The following RELN variants were observed in gnomAD, a reference collection of about 807,000 sequenced individuals.
RELN encodes reelin.
In RELN, 108 loss-of-function variants were observed where a neutral mutation model predicts 427.6. The ratio of observed to expected loss-of-function variants is 0.25; its 90% CI spans 0.22 to 0.30. The LOEUF (loss-of-function observed/expected upper bound fraction) is 0.30. RELN is among the 10% of genes least tolerant of loss of function. The pLI is 1.00. For synonymous variants in RELN, 1,524 were observed against 1,513.4 expected (o/e 1.01, Z -0.16); for missense variants, 3,715 against 4,302.8 (o/e 0.86, Z 3.82).
At chr7:103,566,891 C>T (rs1037063998) in intron 31 of RELN, 132 bp from the exon 32 acceptor site, 10 of 848,312 alleles carry the variant, frequency 1.2e-5, no homozygotes, top group Non-Finnish European at 1.8e-5. Flanking sequence ...GTGTAACTTC[C>T]AAGGAATGAA....
Position 103,862,409 on chromosome 7 carries a change from T to TTCGTTCTATCTATCTA in RELN, c.338-28738_338-28737insTAGATAGATAGAACGA, listed in dbSNP as rs57691471. On this transcript the variant is annotated intron_variant, in intron 2 of 64. Coordinates refer to ENST00000428762, the MANE Select transcript of RELN (RefSeq NM_005045.4). Reference sequence around the variant, plus strand: ...CTAGTCTCTTCCATTTATGCTTTTGTTCTATCTATCTATCTATCTATCTAT... The same window carrying TTCGTTCTATCTATCTA: ...CTAGTCTCTTCCATTTATGCTTTTGTTCGTTCTATCTATCTATCTATCTATCTATCTATCTATCTAT... Among the ~76,000 whole-genome samples, 50 of 144,840 alleles carry TTCGTTCTATCTATCTA rather than the reference T, an allele frequency of 3.5e-4. 1 individual carries two copies. The highest frequency in any genetic ancestry group is 1.5e-3 in the East Asian group (7 of 4,826).
At chr7:103,716,262 G>C (rs1188921201) in intron 8 of RELN, among the ~76,000 whole-genome samples, 1 of 151,988 alleles carries the variant, frequency 6.6e-6, no homozygotes, top group African/African-American at 2.4e-5. Context: ...ATTCTCCTCT[G>C]TAGTCTGCAT....
chr7:103,494,970 GGA>G (rs370270033), intron 57 of RELN, among the ~76,000 whole-genome samples: 7 of 151,974 alleles, frequency 4.6e-5, no homozygotes, highest in South Asian at 2.1e-4. Context: ...GGAAGGGAAG[GGA>G]GAGAGAGAGA....
chr7:103,630,238 T>C (rs140140582), intron 19 of RELN, 62 bp from the exon 20 acceptor site: 165 of 1,080,612 alleles, frequency 1.5e-4, no homozygotes, highest in Middle Eastern at 2.5e-4. Flanking sequence ...CAAATATTTA[T>C]AGTGGGATAG....
intron 46 of RELN, among the ~76,000 whole-genome samples, chr7:103,531,670 G>A (rs893967809): frequency 3.3e-5 from 5 of 151,836 alleles, no homozygotes; most frequent in African/African-American, 9.7e-5. Context: ...CTGTACCATC[G>A]GCATTTCTTA....
intron 29 of RELN, among the ~76,000 whole-genome samples, chr7:103,574,610 A>C (rs1830957209): frequency 6.6e-6 from 1 of 152,196 alleles, no homozygotes; most frequent in East Asian, 1.9e-4. Context: ...TTCATCCACA[A>C]TAAAACTTGC....
intron 36 of RELN, 40 bp from the exon 37 acceptor site, chr7:103,558,089 C>T (rs749231002): frequency 2.1e-6 from 2 of 972,404 alleles, no homozygotes; most frequent in South Asian, 2.6e-5. Context: ...CTTTTTTTCA[C>T]TTGCAAAATT....
At chr7:103,734,891 T>C (rs1790452114) in intron 6 of RELN, among the ~76,000 whole-genome samples, 1 of 152,194 alleles carries the variant, frequency 6.6e-6, no homozygotes, top group Non-Finnish European at 1.5e-5. Flanking sequence ...GGGTAATTTT[T>C]TTGTTTTTCT....
At chr7:103,756,826 C>G (rs1791169822) in intron 4 of RELN, among the ~76,000 whole-genome samples, 1 of 152,118 alleles carries the variant, frequency 6.6e-6, no homozygotes, top group South Asian at 2.1e-4. Context: ...AAAAGAGAAA[C>G]ATTTAGTATG....
intron 2 of RELN, among the ~76,000 whole-genome samples, chr7:103,902,918 A>T (rs1172249877): frequency 6.6e-6 from 1 of 152,176 alleles, no homozygotes; most frequent in Non-Finnish European, 1.5e-5. Context: ...TAATTATCAG[A>T]ATCACATCTA....
chr7:103,713,848 T>C (rs1205638256), intron 8 of RELN, among the ~76,000 whole-genome samples: 2 of 152,204 alleles, frequency 1.3e-5, no homozygotes, highest in Non-Finnish European at 2.9e-5. Context: ...AATAGTTTGA[T>C]AGTTCTATGA....
intron 3 of RELN, among the ~76,000 whole-genome samples, chr7:103,793,129 G>C (rs898716089): frequency 6.6e-6 from 1 of 152,074 alleles, no homozygotes; most frequent in Non-Finnish European, 1.5e-5. Context: ...ATGCAACTTT[G>C]AGCCCAGGGA....
chr7:103,484,302 C>A, intron 61 of RELN: 1 of 193,964 alleles, frequency 5.2e-6, no homozygotes, highest in Non-Finnish European at 1.1e-5. Context: ...AGCAGCCAGT[C>A]TTGAGAGCTT....
chr7:103,792,450 G>GA (rs939099129), intron 3 of RELN, among the ~76,000 whole-genome samples: 4 of 150,568 alleles, frequency 2.7e-5, no homozygotes, highest in South Asian at 4.2e-4. Flanking sequence ...TATGCAAAGT[G>GA]AAAAAAATCC....
At chr7:103,966,158 C>T (rs1243005150) in intron 1 of RELN, among the ~76,000 whole-genome samples, 2 of 152,060 alleles carry the variant, frequency 1.3e-5, no homozygotes, top group African/African-American at 4.8e-5. Flanking sequence ...ATATTAAACA[C>T]CAAAATGTGA....
intron 10 of RELN, among the ~76,000 whole-genome samples, chr7:103,694,074 C>G (rs140303861): frequency 7.4e-4 from 113 of 152,210 alleles, no homozygotes; most frequent in African/African-American, 2.5e-3. Flanking sequence ...TAATGTATAA[C>G]AAAACCAGTC....
At chr7:103,571,646 G>A (rs1312469035) in intron 31 of RELN, among the ~76,000 whole-genome samples, 1 of 152,174 alleles carries the variant, frequency 6.6e-6, no homozygotes. Context: ...AAAAGGGTAT[G>A]CTGGAAATAA....
chr7:103,958,261 G>A (rs1796476186), intron 1 of RELN, among the ~76,000 whole-genome samples: 1 of 152,180 alleles, frequency 6.6e-6, no homozygotes, highest in Admixed American at 6.5e-5. Flanking sequence ...AAAAGACCCA[G>A]TGACAGCCAT....
chr7:103,601,936 T>G (rs1436727277), intron 24 of RELN, among the ~76,000 whole-genome samples: 1 of 152,104 alleles, frequency 6.6e-6, no homozygotes, highest in African/African-American at 2.4e-5. Context: ...AGAAAAACTT[T>G]CATACAGAGT....
Sources: allele counts gnomAD v4.1 joint callset (sites outside exome capture counted in the v4.1 genomes callset), GRCh38; gene constraint gnomAD v4.1.1; transcripts MANE v1.5; gene names NCBI Gene and HGNC (gene_info 2026-07-23, HGNC 2026-07-21).